The following PLPPR1 variants were observed in gnomAD, a reference collection of about 807,000 sequenced individuals.
PLPPR1 encodes the protein phospholipid phosphatase related 1, also known as phospholipid phosphatase-related protein type 1.
In PLPPR1, 10 loss-of-function variants were observed where a neutral mutation model predicts 33.1. The observed-to-expected ratio is 0.30, with a 90% CI of 0.19 to 0.51. The LOEUF (loss-of-function observed/expected upper bound fraction) is 0.51, where lower values mean the gene tolerates loss of function less well. PLPPR1 is among the 20% of genes least tolerant of loss of function. PLPPR1 has a pLI of 0.97. For synonymous variants in PLPPR1, 151 were observed against 151.0 expected (o/e 1.00, Z 0.00); for missense variants, 304 against 408.1 (o/e 0.74, Z 2.20).
At chr9:101,093,337 A>T (rs1285448044) in intron 1 of PLPPR1, among the ~76,000 whole-genome samples, 1 of 152,214 alleles carries the variant, frequency 6.6e-6, no homozygotes, top group Non-Finnish European at 1.5e-5. Context: ...AGAAAATATG[A>T]ACGATAAAGT....
At chr9:101,312,433 A>G (rs906171692) in intron 5 of PLPPR1, among the ~76,000 whole-genome samples, 1 of 152,206 alleles carries the variant, frequency 6.6e-6, no homozygotes, top group Non-Finnish European at 1.5e-5. Context: ...TTTATTTGGT[A>G]TCTCAGACTC....
intron 2 of PLPPR1, among the ~76,000 whole-genome samples, chr9:101,240,521 A>AATCTATTAG (rs367821910): frequency 0.058 from 8,025 of 139,464 alleles, 291 homozygotes; most frequent in South Asian, 0.17. Flanking sequence ...CAATTCTTCT[A>AATCTATTAG]ATCTATTAGG....
intron 4 of PLPPR1, among the ~76,000 whole-genome samples, chr9:101,301,705 G>C (rs117766419): frequency 6.6e-6 from 1 of 152,048 alleles, no homozygotes; most frequent in Non-Finnish European, 1.5e-5. Flanking sequence ...AATATATAGG[G>C]CATATGGATC....
chr9:101,265,612 T>C (rs1827975827), intron 2 of PLPPR1, among the ~76,000 whole-genome samples: 1 of 152,348 alleles, frequency 6.6e-6, no homozygotes, highest in African/African-American at 2.4e-5. Context: ...GCATCATCAG[T>C]GCAGTGAGAT....
chr9:101,312,841 C>A lies in PLPPR1; in HGVS notation c.680C>A (p.Ala227Asp). ...ATCAAGACGAAGAGCAGTCGACTGG[C>A]CAAGCCGGTGCTGTGCCTCGGAACT... Reference protein sequence around the residue: ...STIKTKSSRLAKPVLCLGTLC... With the variant: ...STIKTKSSRLDKPVLCLGTLC... Residue 227 changes from alanine (A) to aspartate (D), a missense_variant, in exon 6 of 8, where the codon GCC (alanine) becomes GAC (aspartate). Physicochemically the swap from Ala to Asp is moderately radical, Grantham distance 126. Transcript: ENST00000374874. The A allele has an allele frequency of 6.2e-7, 1 of 1,614,144 alleles. No homozygotes were observed. Among genetic ancestry groups the A allele is most frequent in the Non-Finnish European group, 8.5e-7 (1 of 1,180,018 alleles).
At chr9:101,074,247 A>T (rs536716211) in intron 1 of PLPPR1, among the ~76,000 whole-genome samples, 3 of 152,310 alleles carry the variant, frequency 2.0e-5, no homozygotes, top group Admixed American at 2.0e-4. Flanking sequence ...GTGATTAGCT[A>T]TCACAAAATC....
intron 5 of PLPPR1, among the ~76,000 whole-genome samples, chr9:101,310,310 GC>G (rs1292212438): frequency 1.3e-5 from 2 of 152,184 alleles, no homozygotes; most frequent in African/African-American, 4.8e-5. Context: ...GACATCAGGT[GC>G]ATTTACCAGT....
At chr9:101,065,199 C>G (rs530688757) in intron 1 of PLPPR1, among the ~76,000 whole-genome samples, 1 of 152,150 alleles carries the variant, frequency 6.6e-6, no homozygotes, top group South Asian at 2.1e-4. Context: ...TTTATACAGG[C>G]CAGTAAGGAA....
chr9:101,292,286 C>T (rs993328703), intron 4 of PLPPR1, among the ~76,000 whole-genome samples: 4 of 152,028 alleles, frequency 2.6e-5, no homozygotes, highest in Admixed American at 6.6e-5. Flanking sequence ...AAATATGGGA[C>T]TATGTGAAAA....
At chr9:101,140,873 T>G (rs1316450005) in intron 1 of PLPPR1, among the ~76,000 whole-genome samples, 1 of 152,108 alleles carries the variant, frequency 6.6e-6, no homozygotes, top group Non-Finnish European at 1.5e-5. Context: ...TAACTGGCAA[T>G]AGCAAGATGC....
At chr9:101,137,678 G>GCTGCTCTTT (rs1356529315) in intron 1 of PLPPR1, among the ~76,000 whole-genome samples, 1 of 152,200 alleles carries the variant, frequency 6.6e-6, no homozygotes, top group Admixed American at 6.5e-5. Flanking sequence ...ATCCTCTAAA[G>GCTGCTCTTT]AGCAGTCTAC....
intron 1 of PLPPR1, among the ~76,000 whole-genome samples, chr9:101,124,795 A>G (rs115783909): frequency 0.045 from 6,925 of 152,236 alleles, 557 homozygotes; most frequent in African/African-American, 0.16. Context: ...TTCCCCATAT[A>G]GTTATCTTTC....
At chr9:101,232,332 C>T (rs1023356874) in intron 2 of PLPPR1, among the ~76,000 whole-genome samples, 3 of 152,002 alleles carry the variant, frequency 2.0e-5, no homozygotes, top group Non-Finnish European at 2.9e-5. Context: ...CTTGGAGTGT[C>T]TGTTCTCACT....
At chr9:101,229,440 T>G (rs1448436641) in intron 2 of PLPPR1, among the ~76,000 whole-genome samples, 1 of 152,040 alleles carries the variant, frequency 6.6e-6, no homozygotes, top group Non-Finnish European at 1.5e-5. Flanking sequence ...AACCAATACA[T>G]ATAAAATGCA....
chr9:101,152,369 G>GT (rs1831600881), intron 1 of PLPPR1, among the ~76,000 whole-genome samples: 1 of 152,172 alleles, frequency 6.6e-6, no homozygotes, highest in African/African-American at 2.4e-5. Context: ...TCTGATGATA[G>GT]TTTATTTTGC....
intron 1 of PLPPR1, among the ~76,000 whole-genome samples, chr9:101,160,992 A>C (rs1831765539): frequency 6.6e-6 from 1 of 152,160 alleles, no homozygotes; most frequent in Admixed American, 6.6e-5. Flanking sequence ...GTTTCCTTCA[A>C]GATCACTTGT....
At chr9:101,127,893 G>T (rs1181851134) in intron 1 of PLPPR1, among the ~76,000 whole-genome samples, 2 of 152,156 alleles carry the variant, frequency 1.3e-5, no homozygotes. Flanking sequence ...GAATGAAACA[G>T]ATAGATAGTT....
chr9:101,158,492 G>A (rs922243611), intron 1 of PLPPR1, among the ~76,000 whole-genome samples: 111 of 152,260 alleles, frequency 7.3e-4, no homozygotes, highest in African/African-American at 2.6e-3. Context: ...TTGGTAAGCC[G>A]AGGAAATATC....
chr9:101,036,898 A>C (rs922718517), intron 1 of PLPPR1, among the ~76,000 whole-genome samples: 4 of 152,176 alleles, frequency 2.6e-5, no homozygotes, highest in African/African-American at 9.7e-5. Flanking sequence ...GAGTAAACCA[A>C]GTCTCAGAAA....
Sources: gnomAD v4.1 joint callset for allele counts (sites outside exome capture counted in the v4.1 genomes callset) on GRCh38, gnomAD v4.1.1 for gene constraint, MANE v1.5 for transcripts, NCBI Gene and HGNC (gene_info 2026-07-23, HGNC 2026-07-21) for gene names.